Variants in TMEM45A observed in about 807,000 individuals in gnomAD.
TMEM45A encodes the protein DNA polymerase-transactivated protein 4.
In TMEM45A, 25 loss-of-function variants were observed where a neutral mutation model predicts 32.0. That is an observed-to-expected ratio of 0.78 (90% CI 0.57 to 1.09). The LOEUF (loss-of-function observed/expected upper bound fraction) is 1.09. Among genes scored for constraint, TMEM45A ranks in the 50% least tolerant of loss-of-function variants. The pLI is 0.00. For synonymous variants in TMEM45A, 122 were observed against 114.8 expected, an observed-to-expected ratio of 1.06 and a Z score of -0.40; for missense variants, 302 against 325.0, an observed-to-expected ratio of 0.93 and a Z score of 0.54.
chr3:100,502,501 C>G (rs563939176), intron 1 of TMEM45A, among the ~76,000 whole-genome samples: 2 of 152,168 alleles, frequency 1.3e-5, no homozygotes, highest in East Asian at 3.8e-4. Flanking sequence ...GGGTCCCACT[C>G]TGTTGCCCAG....
At chr3:100,569,122 A>T (rs1295756871) in intron 5 of TMEM45A, among the ~76,000 whole-genome samples, 155 bp downstream of exon 5, 3 of 152,234 alleles carry the variant, frequency 2.0e-5, no homozygotes, top group Admixed American at 6.5e-5. Context: ...AAACACAAAA[A>T]TTCCCAGTAA....
chr3:100,576,627 A>G (rs1706692615), intron 5 of TMEM45A, among the ~76,000 whole-genome samples: 1 of 152,148 alleles, frequency 6.6e-6, no homozygotes, highest in African/African-American at 2.4e-5. Context: ...CTCATAAAAA[A>G]AAATAGAAAA....
intron 1 of TMEM45A, among the ~76,000 whole-genome samples, chr3:100,503,923 CA>C: frequency 6.6e-6 from 1 of 152,254 alleles, no homozygotes; most frequent in Middle Eastern, 3.4e-3. Flanking sequence ...ACATTTATGC[CA>C]TGTGTAACAT....
chr3:100,538,351 ATAAGT>A (rs1405968755), intron 1 of TMEM45A, among the ~76,000 whole-genome samples: 1 of 144,698 alleles, frequency 6.9e-6, no homozygotes, highest in Non-Finnish European at 1.5e-5. Flanking sequence ...TTTTTAAAAG[ATAAGT>A]TAAACACAAA....
At chr3:100,526,381 A>G (rs549433616) in intron 1 of TMEM45A, among the ~76,000 whole-genome samples, 1 of 152,290 alleles carries the variant, frequency 6.6e-6, no homozygotes, top group Non-Finnish European at 1.5e-5. Flanking sequence ...CTTCTGGGCC[A>G]GGCATACTTG....
chr3:100,518,094 GA>G (rs765968779), intron 1 of TMEM45A, among the ~76,000 whole-genome samples: 4 of 152,210 alleles, frequency 2.6e-5, no homozygotes, highest in Non-Finnish European at 4.4e-5. Context: ...GTATGAAGGG[GA>G]AGGCTAGTTA....
intron 1 of TMEM45A, among the ~76,000 whole-genome samples, chr3:100,497,752 G>T (rs1488001543): frequency 6.6e-6 from 1 of 151,996 alleles, no homozygotes; most frequent in East Asian, 1.9e-4. Context: ...CCTTTTTAAG[G>T]CTGAATAATA....
rs765262185 is a variant in TMEM45A, at chr3:100,558,448, C to T, written c.447C>T (p.Asp149=). The change falls in exon 4 of 6, where the codon GAC becomes GAT. Residue 149 remains aspartate, a synonymous_variant. Coordinates refer to ENST00000323523, the MANE Select transcript of TMEM45A (RefSeq NM_018004.3). ...YNHTHGREML[D]IFVHQLLVLV... ...ACACTCATGGCCGGGAAATGCTGGA[C>T]ATCTTTGTGCACCAGCTGCTGGTTT... 1 of 1,613,868 alleles carries T rather than the reference C, an allele frequency of 6.2e-7. No homozygotes were observed. Among genetic ancestry groups the T allele is most frequent in the African/African-American group, 1.3e-5 (1 of 74,900 alleles).
intron 3 of TMEM45A, among the ~76,000 whole-genome samples, chr3:100,558,028 TG>T (rs1187435706): frequency 6.6e-6 from 1 of 152,246 alleles, no homozygotes; most frequent in African/African-American, 2.4e-5. Flanking sequence ...GCTTAGAAGA[TG>T]CTTTGAAATA....
At chr3:100,495,240 A>G (rs4928098) in intron 1 of TMEM45A, among the ~76,000 whole-genome samples, 86,009 of 152,126 alleles carry the variant, frequency 0.57, 26,191 homozygotes, top group African/African-American at 0.81. Context: ...AAATGCAGGG[A>G]ATAGAAAAAG....
At chr3:100,566,881 A>G (rs1023674178) in intron 4 of TMEM45A, among the ~76,000 whole-genome samples, 2 of 152,078 alleles carry the variant, frequency 1.3e-5, no homozygotes, top group Non-Finnish European at 2.9e-5. Context: ...TATATTCTAG[A>G]TATAATCTCA....
intron 1 of TMEM45A, among the ~76,000 whole-genome samples, chr3:100,512,327 A>C (rs1030109048): frequency 4.6e-5 from 7 of 152,222 alleles, no homozygotes; most frequent in African/African-American, 1.7e-4. Context: ...ATCTCACTCA[A>C]AAACACTCAA....
At chr3:100,543,722 A>G (rs938034198) in intron 1 of TMEM45A, among the ~76,000 whole-genome samples, 9 of 152,132 alleles carry the variant, frequency 5.9e-5, no homozygotes, top group African/African-American at 2.2e-4. Flanking sequence ...AAAAAATTAC[A>G]TTCCCTAGTA....
chr3:100,546,090 T>C (rs1039404305), intron 1 of TMEM45A, among the ~76,000 whole-genome samples: 4 of 151,916 alleles, frequency 2.6e-5, no homozygotes, highest in Admixed American at 2.0e-4. Context: ...GTTTTGAAAA[T>C]GGAAGGAGGG....
chr3:100,522,144 C>G (rs1705447981), intron 1 of TMEM45A, among the ~76,000 whole-genome samples: 1 of 152,130 alleles, frequency 6.6e-6, no homozygotes. Flanking sequence ...AATCCCTTCC[C>G]CACCCCTCCT....
At chr3:100,545,288 C>A (rs1705961557) in intron 1 of TMEM45A, among the ~76,000 whole-genome samples, 1 of 152,154 alleles carries the variant, frequency 6.6e-6, no homozygotes, top group Admixed American at 6.5e-5. Flanking sequence ...GTCTTTAATA[C>A]ACTTAGAATT....
At chr3:100,505,933 C>A (rs2148930830) in intron 1 of TMEM45A, among the ~76,000 whole-genome samples, 1 of 152,200 alleles carries the variant, frequency 6.6e-6, no homozygotes, top group Admixed American at 6.5e-5. Context: ...GCTGGGGAAA[C>A]CAAGGTGGTT....
intron 1 of TMEM45A, among the ~76,000 whole-genome samples, chr3:100,538,840 C>T (rs902923413): frequency 1.3e-5 from 2 of 151,826 alleles, no homozygotes; most frequent in Non-Finnish European, 2.9e-5. Context: ...ATTAAAAATA[C>T]AACATCATTT....
intron 1 of TMEM45A, among the ~76,000 whole-genome samples, chr3:100,537,278 G>A (rs903923948): frequency 2.0e-5 from 3 of 152,128 alleles, no homozygotes; most frequent in African/African-American, 7.2e-5. Flanking sequence ...TGTAACCTCT[G>A]GGGGAAAGAC....
Sources: allele counts gnomAD v4.1 joint callset (sites outside exome capture counted in the v4.1 genomes callset), GRCh38; gene constraint gnomAD v4.1.1; transcripts MANE v1.5; gene names NCBI Gene and HGNC (gene_info 2026-07-23, HGNC 2026-07-21).